The following ATRNL1 variants were observed in gnomAD, a reference collection of about 807,000 sequenced individuals.
The protein encoded by ATRNL1 is attractin-like protein 1.
Under a neutral mutation model 182.7 loss-of-function variants are expected in ATRNL1, and 95 were observed. That is an observed-to-expected ratio of 0.52 (90% confidence interval 0.44 to 0.62). The LOEUF (loss-of-function observed/expected upper bound fraction) is 0.62, where lower values mean the gene tolerates loss of function less well. ATRNL1 is among the 20% of genes least tolerant of loss of function. The pLI is 0.00. For synonymous variants in ATRNL1, 576 were observed against 568.3 expected (o/e 1.01, Z -0.19); for missense variants, 1,471 against 1,679.5 (o/e 0.88, Z 2.17).
chr10:115,114,485 T>C (rs1476335934), intron 1 of ATRNL1, among the ~76,000 whole-genome samples: 1 of 152,134 alleles, frequency 6.6e-6, no homozygotes, highest in Non-Finnish European at 1.5e-5. Flanking sequence ...TTGCAAATCA[T>C]ACATCAGATA....
At chr10:115,269,008 A>G (rs1358182882) in intron 13 of ATRNL1, among the ~76,000 whole-genome samples, 2 of 152,204 alleles carry the variant, frequency 1.3e-5, no homozygotes, top group African/African-American at 4.8e-5. Flanking sequence ...GGCATCTAAT[A>G]GGTAGAAGCA....
intron 27 of ATRNL1, among the ~76,000 whole-genome samples, chr10:115,732,291 A>G (rs578012238): frequency 6.6e-6 from 1 of 152,286 alleles, no homozygotes; most frequent in South Asian, 2.1e-4. Flanking sequence ...TACCATAACC[A>G]TGAGGATTTA....
chr10:115,124,312 G>C (rs1264704436), intron 3 of ATRNL1, among the ~76,000 whole-genome samples: 2 of 152,018 alleles, frequency 1.3e-5, no homozygotes, highest in Non-Finnish European at 2.9e-5. Flanking sequence ...TAGAACTCAG[G>C]AAAGTTCTAC....
intron 26 of ATRNL1, among the ~76,000 whole-genome samples, chr10:115,678,370 G>A (rs564987012): frequency 3.9e-5 from 6 of 152,062 alleles, no homozygotes; most frequent in East Asian, 3.9e-4. Flanking sequence ...AATAAACTAC[G>A]AATCTTTTTA....
At chr10:115,250,531 G>A (rs1041292073) in intron 10 of ATRNL1, among the ~76,000 whole-genome samples, 4 of 152,280 alleles carry the variant, frequency 2.6e-5, no homozygotes, top group African/African-American at 9.6e-5. Flanking sequence ...TTCCTACCCT[G>A]GCTGGAAAGA....
chr10:115,568,520 G>T (rs12784624), intron 26 of ATRNL1, among the ~76,000 whole-genome samples: 24,838 of 151,740 alleles, frequency 0.16, 2,549 homozygotes, highest in South Asian at 0.24. Context: ...ACATGAACTG[G>T]ATATTATCTT....
chr10:115,558,664 C>T (rs1282073830), intron 26 of ATRNL1, among the ~76,000 whole-genome samples: 3 of 152,100 alleles, frequency 2.0e-5, no homozygotes, highest in Non-Finnish European at 4.4e-5. Flanking sequence ...TTTGATCCAG[C>T]TTTGGGAAGT....
intron 10 of ATRNL1, among the ~76,000 whole-genome samples, chr10:115,245,138 A>G (rs1408803095): frequency 6.6e-6 from 1 of 152,196 alleles, no homozygotes; most frequent in African/African-American, 2.4e-5. Context: ...TAATGGTAGT[A>G]TATAATAATG....
chr10:115,222,387 TA>T (rs1849503581), intron 9 of ATRNL1, among the ~76,000 whole-genome samples: 1 of 152,160 alleles, frequency 6.6e-6, no homozygotes, highest in Admixed American at 6.5e-5. Flanking sequence ...GACAAATGTG[TA>T]ACATTATTTT....
At chr10:115,552,750 A>C (rs1296554831) in intron 26 of ATRNL1, among the ~76,000 whole-genome samples, 1 of 151,270 alleles carries the variant, frequency 6.6e-6, no homozygotes, top group Non-Finnish European at 1.5e-5. Flanking sequence ...ATGAAACTAC[A>C]CACAAAAGGC....
rs537908831 is a variant in ATRNL1, at chr10:115,132,163, A to G, written c.829+2628A>G. Among the ~76,000 whole-genome samples the G allele has an allele frequency of 4.2e-3, 626 of 148,572 alleles. 2 individuals are homozygous for G. Among genetic ancestry groups the G allele is most frequent in the African/African-American group, 0.014 (545 of 38,896 alleles). On this transcript the variant is annotated intron_variant, in intron 5 of 28. Transcript: ENST00000355044. ...TTCTCATTGTTCAATTCCCACCTAT[A>G]AGTGAGAACACGCGGTGTTTGGTTT...
chr10:115,616,321 A>C (rs1287109435), intron 26 of ATRNL1, among the ~76,000 whole-genome samples: 1 of 152,228 alleles, frequency 6.6e-6, no homozygotes, highest in African/African-American at 2.4e-5. Flanking sequence ...ACCTACACTG[A>C]TACGCATGAG....
At chr10:115,299,493 G>A (rs1258122435) in intron 15 of ATRNL1, among the ~76,000 whole-genome samples, 3 of 151,966 alleles carry the variant, frequency 2.0e-5, no homozygotes, top group Non-Finnish European at 2.9e-5. Context: ...ATTTGTAGAC[G>A]TCTGAGCTAA....
At chr10:115,533,152 G>A (rs1851704435) in intron 25 of ATRNL1, among the ~76,000 whole-genome samples, 1 of 152,090 alleles carries the variant, frequency 6.6e-6, no homozygotes, top group African/African-American at 2.4e-5. Context: ...TTTTTCTATT[G>A]ATTGGAATAG....
intron 8 of ATRNL1, among the ~76,000 whole-genome samples, chr10:115,211,045 TTC>T (rs1409481247): frequency 6.9e-6 from 1 of 145,146 alleles, no homozygotes; most frequent in African/African-American, 2.4e-5. Context: ...TTGTCCTGAC[TTC>T]TTTTTTTTTT....
intron 12 of ATRNL1, 36 bp downstream of exon 12, chr10:115,267,041 A>G: frequency 7.1e-7 from 1 of 1,415,724 alleles, no homozygotes; most frequent in Non-Finnish European, 9.9e-7. Flanking sequence ...TGTGGCAGCA[A>G]AATTTCTCTT....
chr10:115,467,242 C>A lies in ATRNL1; in HGVS notation c.3486C>A (p.Val1162=). The A allele has an allele frequency of 1.3e-6, 2 of 1,599,960 alleles. No homozygotes were observed. The highest frequency in any genetic ancestry group is 1.1e-5 in the South Asian group (1 of 89,872). ...NNFNLNITWS[V]GSTAGTISGE... is the part of the protein sequence containing the mutation. ...TTAATCTCAACATTACGTGGTCTGT[C>A]GGTTCAACAGGTAAAAAAATGTTGA... The change falls in exon 23 of 29, where the codon GTC becomes GTA. Residue 1162 remains valine, a synonymous_variant. Coordinates refer to ENST00000355044, the MANE Select transcript of ATRNL1 (RefSeq NM_207303.4).
chr10:115,754,616 T>G (rs1275533573), intron 27 of ATRNL1, among the ~76,000 whole-genome samples: 3 of 152,172 alleles, frequency 2.0e-5, no homozygotes, highest in African/African-American at 7.2e-5. Flanking sequence ...GCCTCCAGCT[T>G]TGTTCTTTTT....
At chr10:115,842,709 C>T (rs373745237) in intron 27 of ATRNL1, among the ~76,000 whole-genome samples, 4 of 151,980 alleles carry the variant, frequency 2.6e-5, no homozygotes, top group African/African-American at 7.2e-5. Context: ...TGAGAGACTC[C>T]TTAGCTTCTT....
Sources: allele counts gnomAD v4.1 joint callset (sites outside exome capture counted in the v4.1 genomes callset), GRCh38; gene constraint gnomAD v4.1.1; transcripts MANE v1.5; gene names NCBI Gene and HGNC (gene_info 2026-07-23, HGNC 2026-07-21).